The following DNAH14 variants were observed in gnomAD, a reference collection of about 807,000 sequenced individuals.
DNAH14 encodes the protein axonemal beta dynein heavy chain 14.
DNAH14 carries 478 observed loss-of-function variants against 520.9 expected under a neutral mutation model. The ratio of observed to expected loss-of-function variants is 0.92; its 90% CI spans 0.85 to 0.99. The LOEUF (loss-of-function observed/expected upper bound fraction) is 0.99, where lower values mean the gene tolerates loss of function less well. Among genes scored for constraint, DNAH14 ranks in the 50% least tolerant of loss-of-function variants. The probability of loss-of-function intolerance (pLI) is 0.00; values close to 1 mark genes in which losing one functional copy is unlikely to be tolerated. For missense variants in DNAH14, 4,831 were observed against 5,234.5 expected (o/e 0.92, Z 2.38); for synonymous variants, 1,581 against 1,757.2 (o/e 0.90, Z 2.51).
intron 27 of DNAH14, among the ~76,000 whole-genome samples, chr1:225,126,730 T>A (rs2077752782): frequency 6.6e-6 from 1 of 152,182 alleles, no homozygotes; most frequent in African/African-American, 2.4e-5. Flanking sequence ...TGATTTTAGG[T>A]ATTTCTTCCC....
At position 225,303,321 on chromosome 1, in the gene DNAH14, G is replaced by C; in HGVS notation, c.8797G>C (p.Glu2933Gln). ...TATTGTAGCTAACTCATTCTTAAAA[G>C]AAAAGGTCAATTTTGAGAACAGAGA... ...LLIVANSFLK[E>Q]KVNFENRENL... The change falls in exon 57 of 86, where the codon GAA becomes CAA. Residue 2933 changes from glutamate (E) to glutamine (Q), a missense_variant. Coordinates refer to ENST00000682510, the MANE Select transcript of DNAH14 (RefSeq NM_001367479.1). 6.5e-7 allele frequency: 1 copy of C among 1,545,592 alleles called. No individual in the cohort carries two copies. Among genetic ancestry groups the C allele is most frequent in the South Asian group, 1.2e-5 (1 of 82,276 alleles).
chr1:225,253,979 G>A (rs572733117), intron 44 of DNAH14, among the ~76,000 whole-genome samples: 1 of 152,198 alleles, frequency 6.6e-6, no homozygotes, highest in East Asian at 1.9e-4. Context: ...GACCAGATTA[G>A]ATCTAGACAG....
At chr1:225,006,301 A>G (rs951193441) in intron 9 of DNAH14, among the ~76,000 whole-genome samples, 2 of 152,212 alleles carry the variant, frequency 1.3e-5, no homozygotes, top group African/African-American at 2.4e-5. Flanking sequence ...TTTGAACAAG[A>G]TGAAATCTGG....
At chr1:225,336,025 ATG>A (rs74963660) in intron 66 of DNAH14, among the ~76,000 whole-genome samples, 1 of 124,528 alleles carries the variant, frequency 8.0e-6, no homozygotes, top group Admixed American at 8.5e-5. Context: ...ATATGCATAT[ATG>A]TATATACACA....
intron 8 of DNAH14, among the ~76,000 whole-genome samples, chr1:224,993,212 G>A (rs561538942): frequency 1.3e-4 from 20 of 152,082 alleles, no homozygotes; most frequent in African/African-American, 4.6e-4. Context: ...TGATAGTGCT[G>A]GGCCTCATAA....
intron 54 of DNAH14, 82 bp downstream of exon 54, chr1:225,277,584 T>G (rs1574473214): frequency 4.5e-6 from 2 of 439,892 alleles, no homozygotes; most frequent in East Asian, 1.4e-4. Context: ...TTACAGAAGT[T>G]TTATTTAGCC....
chr1:225,211,382 G>C (rs1315483893), intron 41 of DNAH14, among the ~76,000 whole-genome samples: 1 of 152,070 alleles, frequency 6.6e-6, no homozygotes, highest in Non-Finnish European at 1.5e-5. Context: ...TAACTGAATA[G>C]ATCAATCAGA....
rs185235980 is a variant in DNAH14 at position 225,079,335 on chromosome 1, G to A, written c.2553G>A (p.Met851Ile). ...ISKLEKEFLT[M>I]SQLYSVAKHH... The stretch of plus-strand genomic sequence containing the variant: ...AATTAGAAAAAGAGTTCTTAACAAT[G>A]TCTCAGCTATATTCTGTTGCAAAGC... The change falls in exon 18 of 86, where the codon ATG becomes ATA. Residue 851 changes from methionine to isoleucine, a missense_variant. Met to Ile is a conservative substitution (Grantham distance 10). Transcript: ENST00000682510. 1.0e-4 allele frequency: 156 copies of A among 1,550,506 alleles called. No homozygotes were observed. The African/African-American group carries it at 1.8e-3, about 18-fold the overall frequency.
chr1:225,325,290 G>C (rs2094636891), intron 64 of DNAH14, among the ~76,000 whole-genome samples: 1 of 151,756 alleles, frequency 6.6e-6, no homozygotes, highest in African/African-American at 2.4e-5. Context: ...TTCGAAACCA[G>C]CCTGGCCAAC....
chr1:225,125,905 C>T (rs752347493), intron 27 of DNAH14, among the ~76,000 whole-genome samples: 2 of 152,130 alleles, frequency 1.3e-5, no homozygotes, highest in East Asian at 1.9e-4. Flanking sequence ...TACTTGAACA[C>T]TTAGAGACCA....
At chr1:225,191,742 C>CT (rs2085468371) in intron 37 of DNAH14, among the ~76,000 whole-genome samples, 1 of 151,712 alleles carries the variant, frequency 6.6e-6, no homozygotes, top group South Asian at 2.1e-4. Flanking sequence ...TTATTTTATT[C>CT]TTTTTTCTTT....
chr1:225,317,786 C>T (rs1195505079), intron 60 of DNAH14, among the ~76,000 whole-genome samples: 1 of 152,076 alleles, frequency 6.6e-6, no homozygotes, highest in African/African-American at 2.4e-5. Context: ...CTTCTAGATG[C>T]ATACATTATA....
intron 8 of DNAH14, among the ~76,000 whole-genome samples, chr1:224,985,203 C>T (rs1488658567): frequency 1.3e-5 from 2 of 152,094 alleles, no homozygotes; most frequent in Admixed American, 6.6e-5. Context: ...ATAGCAAAAT[C>T]GTGGAACCAA....
At chr1:225,390,202 G>T (rs988619752) in intron 83 of DNAH14, among the ~76,000 whole-genome samples, 1 of 152,180 alleles carries the variant, frequency 6.6e-6, no homozygotes, top group South Asian at 2.1e-4. Flanking sequence ...CGTGACAAAG[G>T]GGTGGAGACG....
rs1467208419 is a variant in DNAH14 at position 225,079,215 on chromosome 1, A to G, written c.2433A>G (p.Glu811=). ...KKNKNLLEVV[E]SSLQQLECDP... is the part of the protein sequence containing the mutation. Reference sequence around the variant, plus strand: ...TGACATGTTGATTTCAGGTTGTGGAATCATCATTGCAGCAGCTGGAATGTG... The same window carrying G: ...TGACATGTTGATTTCAGGTTGTGGAGTCATCATTGCAGCAGCTGGAATGTG... The change falls in exon 18 of 86, where the codon GAA becomes GAG. Residue 811 remains glutamate (E), a synonymous_variant. Coordinates refer to ENST00000682510, the MANE Select transcript of DNAH14 (RefSeq NM_001367479.1). The G allele has an allele frequency of 5.8e-6, 9 of 1,540,256 alleles. No homozygotes were observed. In the East Asian group the frequency reaches 2.0e-4, roughly 34 times the overall value.
At chr1:225,312,722 G>C (rs2094392929) in intron 60 of DNAH14, among the ~76,000 whole-genome samples, 1 of 152,110 alleles carries the variant, frequency 6.6e-6, no homozygotes, top group Admixed American at 6.5e-5. Flanking sequence ...TTTGTTATTA[G>C]TTCTGTTAAT....
At chr1:225,386,773 C>T (rs1201081545) in intron 81 of DNAH14, among the ~76,000 whole-genome samples, 1 of 152,230 alleles carries the variant, frequency 6.6e-6, no homozygotes, top group Non-Finnish European at 1.5e-5. Context: ...AACGCTTTTA[C>T]ACTGTTGGTG....
chr1:224,946,905 G>C (rs971054793), intron 1 of DNAH14, among the ~76,000 whole-genome samples: 3 of 128,592 alleles, frequency 2.3e-5, no homozygotes, highest in Non-Finnish European at 4.9e-5. Context: ...GTATATCAAC[G>C]TTTCATCTAC....
chr1:225,117,841 C>T (rs1201750616), intron 24 of DNAH14, 40 bp from the exon 25 acceptor site: 1 of 1,518,132 alleles, frequency 6.6e-7, no homozygotes, highest in Non-Finnish European at 8.9e-7. Context: ...ATTCAGATCA[C>T]AATTCAATAA....
Sources: gnomAD v4.1 joint callset for allele counts (sites outside exome capture counted in the v4.1 genomes callset) on GRCh38, gnomAD v4.1.1 for gene constraint, MANE v1.5 for transcripts, NCBI Gene and HGNC (gene_info 2026-07-23, HGNC 2026-07-21) for gene names.